Variants in HDAC1 observed in about 807,000 individuals in gnomAD.
HDAC1 encodes the protein protein deacetylase HDAC1.
In HDAC1, 18 loss-of-function variants were observed where a neutral mutation model predicts 65.5. The ratio of observed to expected loss-of-function variants is 0.27; its 90% CI spans 0.19 to 0.41. HDAC1 has a LOEUF of 0.41. Among genes scored for constraint, HDAC1 ranks in the 10% least tolerant of loss-of-function variants. The pLI, the probability that HDAC1 is intolerant of heterozygous loss-of-function variation, is 1.00. For synonymous variants in HDAC1, 211 were observed against 227.9 expected, an observed-to-expected ratio of 0.93 and a Z score of 0.67; for missense variants, 373 against 625.2, an observed-to-expected ratio of 0.60 and a Z score of 4.30.
At chr1:32,302,562 G>C (rs936324030) in intron 1 of HDAC1, 59 bp from the exon 2 acceptor site, 1 of 827,834 alleles carries the variant, frequency 1.2e-6, no homozygotes, top group Non-Finnish European at 2.1e-6. Context: ...AAATTCCTGG[G>C]TTCTCCTGGT....
chr1:32,327,519 C>G lies in HDAC1; in HGVS notation c.495-17C>G. 1 of 1,606,882 alleles carries G rather than the reference C, an allele frequency of 6.2e-7. No homozygotes were observed. Among genetic ancestry groups the G allele is most frequent in the Non-Finnish European group, 8.5e-7 (1 of 1,174,660 alleles). Reference sequence around the variant, plus strand: ...CCCCAAAGAGCCCCCAGACCCCTGACCCCCTTCTGATCCTAGGTATCACCA... The same window carrying G: ...CCCCAAAGAGCCCCCAGACCCCTGAGCCCCTTCTGATCCTAGGTATCACCA... On this transcript the variant is annotated splice_polypyrimidine_tract_variant and intron_variant, in intron 5 of 13. Transcript: ENST00000373548. This position sits in a 1 kb window ranked among gnomAD's most constrained non-coding sequence, Gnocchi z 6.0.
chr1:32,311,485 A>T lies in HDAC1; in HGVS notation c.163-5180A>T, dbSNP rs1049948266. Among the ~76,000 whole-genome samples, 4 of 151,858 alleles carry T rather than the reference A, an allele frequency of 2.6e-5. No homozygotes were observed. In the East Asian group the frequency reaches 7.7e-4, roughly 29 times the overall value. ...CTGTCTCGAAAAAAAAACAAAGATG[A>T]TACCCTGGCTTCGATCTTGAACAAC... On this transcript the variant is annotated intron_variant, in intron 2 of 13. Coordinates refer to ENST00000373548, the MANE Select transcript of HDAC1 (RefSeq NM_004964.3).
chr1:32,299,912 G>T (rs1276194145), intron 1 of HDAC1, among the ~76,000 whole-genome samples: 1 of 152,138 alleles, frequency 6.6e-6, no homozygotes, highest in Non-Finnish European at 1.5e-5. Flanking sequence ...AAAAAAATTA[G>T]CCGGGCTTGA....
At chr1:32,303,031 G>A (rs1403647690) in intron 2 of HDAC1, among the ~76,000 whole-genome samples, 1 of 152,096 alleles carries the variant, frequency 6.6e-6, no homozygotes, top group Non-Finnish European at 1.5e-5. Flanking sequence ...AAATTAGCTG[G>A]CCATGGTGGC....
intron 2 of HDAC1, among the ~76,000 whole-genome samples, chr1:32,316,252 C>G (rs530050541): frequency 6.7e-6 from 1 of 150,282 alleles, no homozygotes; most frequent in African/African-American, 2.5e-5. Context: ...CCACTGCACT[C>G]TAGCCTGGGA....
chr1:32,315,401 G>A (rs1056548719), intron 2 of HDAC1, among the ~76,000 whole-genome samples: 2 of 151,238 alleles, frequency 1.3e-5, no homozygotes, highest in African/African-American at 4.9e-5. Flanking sequence ...TGCCCAGGAT[G>A]GAGTGCAGTG....
intron 1 of HDAC1, among the ~76,000 whole-genome samples, chr1:32,297,777 ATTTTT>A (rs71571709): frequency 2.8e-5 from 2 of 72,154 alleles, no homozygotes; most frequent in Admixed American, 1.6e-4. Context: ...CGCCTGGCTA[ATTTTT>A]TTTTTTTTTT....
At chr1:32,316,143 G>A (rs543650011) in intron 2 of HDAC1, among the ~76,000 whole-genome samples, 6 of 152,124 alleles carry the variant, frequency 3.9e-5, no homozygotes, top group Non-Finnish European at 8.8e-5. Flanking sequence ...AATTAGCCGG[G>A]CGTGGTGGTG....
intron 2 of HDAC1, among the ~76,000 whole-genome samples, chr1:32,313,347 G>A (rs528872808): frequency 1.8e-4 from 27 of 151,974 alleles, no homozygotes; most frequent in Non-Finnish European, 2.4e-4. Flanking sequence ...CACCCACCTC[G>A]GCCTCCCAAA....
chr1:32,292,097 G>C lies in HDAC1; in HGVS notation c.-73G>C. 1 of 1,456,678 alleles carries C rather than the reference G, an allele frequency of 6.9e-7. No homozygotes were observed. The highest frequency in any genetic ancestry group is 9.4e-7 in the Non-Finnish European group (1 of 1,066,212). 90.2% of individuals were successfully genotyped at this position (1,456,678 alleles called of 1,614,324 possible). A position where few individuals can be genotyped will look rare whatever the true frequency, so the allele number is the denominator to read the frequency against. On this transcript the variant is annotated 5_prime_UTR_variant, in exon 1 of 14. Transcript: ENST00000373548. Reference sequence around the variant, plus strand: ...CGGAGGCCCGCCCCCTCCCCCCTGGGTCGGACGCTGAGCGGAGCCGCGGGC... The same window carrying C: ...CGGAGGCCCGCCCCCTCCCCCCTGGCTCGGACGCTGAGCGGAGCCGCGGGC...
At chr1:32,308,677 C>T (rs1338355463) in intron 2 of HDAC1, among the ~76,000 whole-genome samples, 1 of 152,072 alleles carries the variant, frequency 6.6e-6, no homozygotes, top group Non-Finnish European at 1.5e-5. Context: ...TGCCACCACG[C>T]CTGGCTAATT....
intron 1 of HDAC1, among the ~76,000 whole-genome samples, chr1:32,301,162 C>G (rs916792856): frequency 6.6e-6 from 1 of 151,412 alleles, no homozygotes; most frequent in Non-Finnish European, 1.5e-5. Flanking sequence ...TAAGAAAGTC[C>G]TTGGCCGGGC....
rs1469775872 is a variant in HDAC1, at chr1:32,327,377, C to T, written c.495-159C>T. On this transcript the variant is annotated intron_variant, in intron 5 of 13. Coordinates refer to ENST00000373548, the MANE Select transcript of HDAC1 (RefSeq NM_004964.3). The surrounding 1 kb of genome is among the most constrained non-coding windows in gnomAD (Gnocchi z 6.0). Reference sequence around the variant, plus strand: ...GTCGGCTTGGTCAGGCCTCTGGAGACACCCGGCCGCTCTTCCACCTTCCTT... The same window carrying T: ...GTCGGCTTGGTCAGGCCTCTGGAGATACCCGGCCGCTCTTCCACCTTCCTT... The T allele has an allele frequency of 8.9e-6, 6 of 677,714 alleles. No homozygotes were observed. In the Admixed American group the frequency reaches 1.5e-4, roughly 16 times the overall value. The allele number at this position is 677,714 out of a possible 1,614,324, so 42.0% of individuals were successfully genotyped here.
At chr1:32,323,030 C>T (rs1025115864) in intron 3 of HDAC1, among the ~76,000 whole-genome samples, 4 of 152,064 alleles carry the variant, frequency 2.6e-5, no homozygotes, top group East Asian at 1.9e-4. Flanking sequence ...TGGCTGGGCA[C>T]GGTGGCTTAT....
At chr1:32,326,650 T>TAA (rs763574064) in intron 4 of HDAC1, among the ~76,000 whole-genome samples, 2,109 of 151,912 alleles carry the variant, frequency 0.014, 46 homozygotes, top group African/African-American at 0.049. Flanking sequence ...GCTATTTCAT[T>TAA]AAAAAAATAT....
In HDAC1 at chr1:32,308,502, G is replaced by A. The variant is rs553645523; in HGVS notation, c.162+5769G>A. On this transcript the variant is annotated intron_variant, in intron 2 of 13. Transcript: ENST00000373548. ...TTAATTTGTGTATGGGTTTTGTTTT[G>A]TTTTGTTTTTTTAATTTTTATTTAT... Among the ~76,000 whole-genome samples, 86 of 152,138 alleles carry A rather than the reference G, an allele frequency of 5.7e-4. 1 individual carries two copies. The South Asian group carries it at 0.018, about 31-fold the overall frequency.
rs766724433 is a variant in HDAC1 at position 32,327,685 on chromosome 1, C to T, written c.636+8C>T. 55 of 1,613,710 alleles carry T rather than the reference C, an allele frequency of 3.4e-5. No homozygotes were observed. The Middle Eastern group carries it at 1.2e-3, about 34-fold the overall frequency. ...GGAACTGGGGACCTACGGGTGAGAA[C>T]GCCCTTTAGGAGCCAACCGGCTTAC... On this transcript the variant is annotated splice_region_variant and intron_variant, in intron 6 of 13. Coordinates refer to ENST00000373548, the MANE Select transcript of HDAC1 (RefSeq NM_004964.3). The surrounding 1 kb of genome is among the most constrained non-coding windows in gnomAD (Gnocchi z 6.0).
chr1:32,301,016 A>G (rs1364365742), intron 1 of HDAC1, among the ~76,000 whole-genome samples: 1 of 152,188 alleles, frequency 6.6e-6, no homozygotes, highest in East Asian at 1.9e-4. Flanking sequence ...CCCAAGGGCC[A>G]TAGTTTGCCT....
chr1:32,318,556 A>G lies in HDAC1; in HGVS notation c.280+1774A>G, dbSNP rs80302211. ...CCAGCCTGGGCAACAGAGCGAGACC[A>G]AAAAAAAAAAGACATTAGTGCCTAT... is the stretch of plus-strand genomic sequence containing the variant. On this transcript the variant is annotated intron_variant, in intron 3 of 13. Coordinates refer to ENST00000373548, the MANE Select transcript of HDAC1 (RefSeq NM_004964.3). Among the ~76,000 whole-genome samples the G allele has an allele frequency of 4.2e-4, 52 of 125,118 alleles. 2 individuals are homozygous for G. In the East Asian group the frequency reaches 8.5e-3, roughly 21 times the overall value. The allele number at this position is 125,118 out of a possible 152,430, so 82.1% of individuals were successfully genotyped here.
Sources: gnomAD v4.1 joint callset for allele counts (sites outside exome capture counted in the v4.1 genomes callset) on GRCh38, gnomAD v4.1.1 for gene constraint, Gnocchi (gnomAD v3.1) non-coding constraint, MANE v1.5 for transcripts, NCBI Gene and HGNC (gene_info 2026-07-23, HGNC 2026-07-21) for gene names.